Variants in PDE1C observed in about 807,000 individuals in gnomAD.
PDE1C encodes phosphodiesterase 1C, also known as dual specificity calcium/calmodulin-dependent 3',5'-cyclic nucleotide phosphodiesterase 1C.
A neutral mutation model predicts 93.1 loss-of-function variants in PDE1C; 62 were observed. The observed-to-expected ratio is 0.67, with a 90% CI of 0.54 to 0.82. The LOEUF is 0.82. Among genes scored for constraint, PDE1C ranks in the 40% least tolerant of loss-of-function variants. The pLI is 0.00. For synonymous variants in PDE1C, 325 were observed against 310.1 expected, an observed-to-expected ratio of 1.05 and a Z score of -0.50; for missense variants, 742 against 884.6, an observed-to-expected ratio of 0.84 and a Z score of 2.04.
At chr7:31,644,699 T>G in the PDE1C span, among the ~76,000 whole-genome samples, 1 of 152,272 alleles carries the variant, frequency 6.6e-6, no homozygotes, top group South Asian at 2.1e-4. Context: ...TTCCAGTACC[T>G]CCTTTTTAGT....
At chr7:32,119,419 C>G (rs1300284280) in intron 3 of PDE1C, among the ~76,000 whole-genome samples, 1 of 152,144 alleles carries the variant, frequency 6.6e-6, no homozygotes, top group South Asian at 2.1e-4. Context: ...TCCATAATAG[C>G]CTGAAACTAA....
chr7:31,767,467 G>C (rs1795218471), intron 17 of PDE1C, among the ~76,000 whole-genome samples: 1 of 152,102 alleles, frequency 6.6e-6, no homozygotes, highest in Non-Finnish European at 1.5e-5. Flanking sequence ...TGAAGTGCTG[G>C]CTCCCCCTTC....
intron 2 of PDE1C, among the ~76,000 whole-genome samples, chr7:31,920,934 C>T (rs1802548333): frequency 6.6e-6 from 1 of 152,206 alleles, no homozygotes; most frequent in Non-Finnish European, 1.5e-5. Context: ...TACCACCATT[C>T]ATTCTATTAA....
chr7:32,183,332 C>T (rs1283202932), intron 2 of PDE1C, among the ~76,000 whole-genome samples: 11 of 152,112 alleles, frequency 7.2e-5, no homozygotes, highest in South Asian at 2.1e-4. Context: ...AAAAAGAGCC[C>T]GCATTGCCAA....
intron 1 of PDE1C, among the ~76,000 whole-genome samples, chr7:32,268,023 GA>G (rs1194731995): frequency 6.6e-6 from 1 of 152,170 alleles, no homozygotes; most frequent in Non-Finnish European, 1.5e-5. Flanking sequence ...CTGCTAACAG[GA>G]TCAGCCACTA....
At chr7:31,774,860 T>G (rs1340569011) in intron 17 of PDE1C, among the ~76,000 whole-genome samples, 1 of 152,228 alleles carries the variant, frequency 6.6e-6, no homozygotes, top group Non-Finnish European at 1.5e-5. Flanking sequence ...GTAGCATTAT[T>G]GGCAACATTT....
chr7:31,727,573 A>G, the PDE1C span, among the ~76,000 whole-genome samples: 5 of 152,284 alleles, frequency 3.3e-5, no homozygotes, highest in African/African-American at 4.8e-5. Flanking sequence ...TTTGATGCAT[A>G]TTGTCTCTCT....
intron 1 of PDE1C, among the ~76,000 whole-genome samples, chr7:32,358,411 C>A (rs1784070968): frequency 6.6e-6 from 1 of 152,230 alleles, no homozygotes; most frequent in South Asian, 2.1e-4. Flanking sequence ...CCCTCTCAAG[C>A]TGCAGTGTGT....
chr7:31,683,453 G>A, the PDE1C span, among the ~76,000 whole-genome samples: 20 of 151,582 alleles, frequency 1.3e-4, 1 homozygote, highest in South Asian at 4.2e-3. Context: ...GATAATAAAT[G>A]ACATCAGATT....
chr7:32,171,712 A>G (rs1039878087), intron 2 of PDE1C, among the ~76,000 whole-genome samples: 2 of 151,140 alleles, frequency 1.3e-5, no homozygotes, highest in Non-Finnish European at 2.9e-5. Flanking sequence ...ATATGGGAGG[A>G]TGTGCATAAA....
chr7:31,624,403 G>T, the PDE1C span, among the ~76,000 whole-genome samples: 304 of 140,808 alleles, frequency 2.2e-3, 1 homozygote, highest in African/African-American at 7.6e-3. Flanking sequence ...AAAACAGCAT[G>T]GTACTGGTAC....
intron 3 of PDE1C, among the ~76,000 whole-genome samples, chr7:32,134,824 T>C (rs376079810): frequency 2.6e-5 from 4 of 152,102 alleles, no homozygotes; most frequent in African/African-American, 9.7e-5. Flanking sequence ...GCTTAAAGCC[T>C]AGATGATTGA....
chr7:31,813,137 A>C (rs1787755222), intron 15 of PDE1C, among the ~76,000 whole-genome samples: 1 of 152,152 alleles, frequency 6.6e-6, no homozygotes, highest in East Asian at 1.9e-4. Flanking sequence ...AGACATTTCT[A>C]ACCCACTCTG....
At chr7:31,831,890 C>G (rs1381915243) in intron 11 of PDE1C, among the ~76,000 whole-genome samples, 1 of 152,088 alleles carries the variant, frequency 6.6e-6, no homozygotes, top group Non-Finnish European at 1.5e-5. Context: ...TTCAAACAAA[C>G]AACAGATGGG....
intron 1 of PDE1C, among the ~76,000 whole-genome samples, chr7:32,422,988 G>T (rs903734300): frequency 1.3e-5 from 2 of 152,004 alleles, no homozygotes; most frequent in East Asian, 3.8e-4. Flanking sequence ...ATATCTACTC[G>T]CCCTCCCAGT....
intron 1 of PDE1C, among the ~76,000 whole-genome samples, chr7:32,289,847 A>G (rs1217057802): frequency 6.6e-6 from 1 of 152,220 alleles, no homozygotes; most frequent in East Asian, 1.9e-4. Flanking sequence ...CCACTCTATG[A>G]AGTTACCACA....
At chr7:31,791,362 C>G (rs938810898) in intron 16 of PDE1C, among the ~76,000 whole-genome samples, 10 of 152,102 alleles carry the variant, frequency 6.6e-5, no homozygotes, top group Admixed American at 1.3e-4. Flanking sequence ...TCATACCAAT[C>G]ACTTTACTCC....
intron 2 of PDE1C, among the ~76,000 whole-genome samples, chr7:31,953,856 A>C (rs904154922): frequency 2.0e-5 from 3 of 152,194 alleles, no homozygotes; most frequent in Admixed American, 6.5e-5. Context: ...AGAAAAAAAA[A>C]CCAGTATGAG....
chr7:31,692,556 TG>T, the PDE1C span: 1 of 1,556,136 alleles, frequency 6.4e-7, no homozygotes, highest in East Asian at 2.2e-5. Context: ...ATGTCAGTGG[TG>T]GAAGTCAGAG....
Sources: gnomAD v4.1 joint callset for allele counts (sites outside exome capture counted in the v4.1 genomes callset) on GRCh38, gnomAD v4.1.1 for gene constraint, MANE v1.5 for transcripts, NCBI Gene and HGNC (gene_info 2026-07-23, HGNC 2026-07-21) for gene names.